The following AGMO variants were observed in gnomAD, a reference collection of about 807,000 sequenced individuals.
The protein encoded by AGMO is alkylglycerol monooxygenase.
AGMO carries 75 observed loss-of-function variants against 60.2 expected under a neutral mutation model. The observed-to-expected ratio is 1.25, with a 90% confidence interval of 1.03 to 1.51. The LOEUF is 1.51. Ranked by LOEUF, AGMO falls within the 40% of genes most tolerant of loss-of-function variation. The pLI is 0.00. For missense variants in AGMO, 763 were observed against 525.5 expected, an observed-to-expected ratio of 1.45 and a Z score of -4.42; for synonymous variants, 261 against 177.1, an observed-to-expected ratio of 1.47 and a Z score of -3.76.
chr7:15,541,055 G>A (rs966200160), intron 3 of AGMO, among the ~76,000 whole-genome samples: 1 of 152,058 alleles, frequency 6.6e-6, no homozygotes, highest in African/African-American at 2.4e-5. Flanking sequence ...TACATGTTTA[G>A]TGTAACTAAT....
intron 10 of AGMO, among the ~76,000 whole-genome samples, chr7:15,366,980 G>A (rs973736038): frequency 6.6e-6 from 1 of 151,926 alleles, no homozygotes; most frequent in Admixed American, 6.6e-5. Flanking sequence ...AGAATTAGAG[G>A]AAAAGCAGAT....
intron 12 of AGMO, among the ~76,000 whole-genome samples, chr7:15,294,030 T>C (rs1252318457): frequency 6.6e-6 from 1 of 152,154 alleles, no homozygotes; most frequent in African/African-American, 2.4e-5. Context: ...AATAAGTAGA[T>C]GTTTTAGCTC....
the AGMO span, among the ~76,000 whole-genome samples, chr7:15,161,604 T>A: frequency 6.7e-6 from 1 of 148,216 alleles, no homozygotes; most frequent in Non-Finnish European, 1.5e-5. Flanking sequence ...TATGTATCCA[T>A]CTATAATCCA....
chr7:15,221,166 T>C (rs1563041337), intron 12 of AGMO, among the ~76,000 whole-genome samples: 1 of 152,134 alleles, frequency 6.6e-6, no homozygotes, highest in Non-Finnish European at 1.5e-5. Context: ...GGAGAATCAT[T>C]TGGCCCCTTT....
At chr7:15,485,769 T>C (rs903387831) in intron 3 of AGMO, among the ~76,000 whole-genome samples, 1 of 151,922 alleles carries the variant, frequency 6.6e-6, no homozygotes, top group Admixed American at 6.6e-5. Context: ...TTCTCCCTGC[T>C]CTTAAGATCA....
chr7:15,477,741 T>C (rs1164626215), intron 3 of AGMO, among the ~76,000 whole-genome samples: 2 of 152,192 alleles, frequency 1.3e-5, no homozygotes, highest in East Asian at 3.8e-4. Context: ...TCAAAAGTGA[T>C]TCTTCCTTTC....
At chr7:15,207,398 G>A (rs932983019) in intron 12 of AGMO, among the ~76,000 whole-genome samples, 1 of 152,050 alleles carries the variant, frequency 6.6e-6, no homozygotes, top group South Asian at 2.1e-4. Context: ...ACCAACCCTT[G>A]TTCTAAGAGA....
chr7:15,533,908 A>T (rs945951468), intron 3 of AGMO, among the ~76,000 whole-genome samples: 1 of 152,200 alleles, frequency 6.6e-6, no homozygotes, highest in East Asian at 1.9e-4. Flanking sequence ...GTTTTAAAAG[A>T]TGATGTAGCA....
chr7:15,295,394 T>G (rs952260031), intron 12 of AGMO, among the ~76,000 whole-genome samples: 1 of 152,178 alleles, frequency 6.6e-6, no homozygotes, highest in East Asian at 1.9e-4. Context: ...GCAGTGCCCT[T>G]AAGCAGGACA....
chr7:15,467,557 C>A (rs1043078127), intron 3 of AGMO, among the ~76,000 whole-genome samples: 3 of 152,130 alleles, frequency 2.0e-5, no homozygotes, highest in Non-Finnish European at 4.4e-5. Context: ...TAAAACTCCA[C>A]AAAGGTGCAT....
At chr7:15,305,938 A>G (rs577815332) in intron 12 of AGMO, among the ~76,000 whole-genome samples, 1 of 152,138 alleles carries the variant, frequency 6.6e-6, no homozygotes, top group Admixed American at 6.6e-5. Context: ...ATTCCAGATA[A>G]CAAAATTTTA....
intron 12 of AGMO, among the ~76,000 whole-genome samples, chr7:15,216,257 A>C (rs73054560): frequency 0.11 from 16,844 of 152,170 alleles, 1,024 homozygotes; most frequent in African/African-American, 0.14. Context: ...AAAGAGTATT[A>C]ATGGCTTTGG....
At chr7:15,135,954 C>T in the AGMO span, among the ~76,000 whole-genome samples, 9 of 134,514 alleles carry the variant, frequency 6.7e-5, no homozygotes, top group Admixed American at 6.6e-4. Flanking sequence ...TTTTTCTCAA[C>T]ATTTAATATT....
At chr7:15,539,105 T>C (rs1025068489) in intron 3 of AGMO, among the ~76,000 whole-genome samples, 7 of 151,966 alleles carry the variant, frequency 4.6e-5, no homozygotes, top group Admixed American at 2.0e-4. Flanking sequence ...ACTGGGTAAA[T>C]TCTTTATTTT....
chr7:15,295,325 C>G (rs962742455), intron 12 of AGMO, among the ~76,000 whole-genome samples: 5 of 151,822 alleles, frequency 3.3e-5, no homozygotes, highest in Non-Finnish European at 5.9e-5. Context: ...TGAGCACAAA[C>G]TATAAGGTAA....
At chr7:15,419,250 C>T (rs968031527) in intron 4 of AGMO, among the ~76,000 whole-genome samples, 2 of 151,766 alleles carry the variant, frequency 1.3e-5, no homozygotes, top group African/African-American at 2.4e-5. Context: ...GTCCATATTA[C>T]GTAATAAACA....
chr7:15,155,872 T>G, the AGMO span, among the ~76,000 whole-genome samples: 13 of 152,288 alleles, frequency 8.5e-5, no homozygotes, highest in African/African-American at 2.9e-4. Context: ...TTTAGTTTAT[T>G]TGCTTTGTTT....
At chr7:15,382,333 C>T (rs902809502) in intron 10 of AGMO, among the ~76,000 whole-genome samples, 4 of 152,058 alleles carry the variant, frequency 2.6e-5, no homozygotes, top group East Asian at 3.9e-4. Flanking sequence ...TGATTTTGTC[C>T]AGGTATATAC....
chr7:15,125,392 C>A, the AGMO span, among the ~76,000 whole-genome samples: 1 of 152,100 alleles, frequency 6.6e-6, no homozygotes, highest in African/African-American at 2.4e-5. Context: ...GGCTTCTACT[C>A]AGACTACTAC....
Sources: gnomAD v4.1 joint callset for allele counts (sites outside exome capture counted in the v4.1 genomes callset) on GRCh38, gnomAD v4.1.1 for gene constraint, MANE v1.5 for transcripts, NCBI Gene and HGNC (gene_info 2026-07-23, HGNC 2026-07-21) for gene names.